The following NUMA1 variants were observed in gnomAD, a reference collection of about 807,000 sequenced individuals.
NUMA1 encodes the protein nuclear mitotic apparatus protein 1.
Under a neutral mutation model 237.1 loss-of-function variants are expected in NUMA1, and 62 were observed. The observed-to-expected ratio is 0.26, with a 90% CI of 0.21 to 0.32. NUMA1 has a LOEUF of 0.32. NUMA1 is among the 10% of genes least tolerant of loss of function. The pLI is 1.00. For missense variants in NUMA1, 2,533 were observed against 2,666.5 expected (o/e 0.95, Z 1.10); for synonymous variants, 1,028 against 1,066.1 (o/e 0.96, Z 0.70).
rs1462878121 is a variant in NUMA1, at chr11:72,009,328, C to T, written c.4779G>A (p.Leu1593=). The change falls in exon 18 of 27, where the codon CTG becomes CTA. Residue 1593 remains leucine (L), a synonymous_variant. Coordinates refer to ENST00000393695, the MANE Select transcript of NUMA1 (RefSeq NM_006185.4). ...QQEAQRLQAQ[L]NELQAQLSQK... ...GGCTCAACTGGGCTTGCAGTTCATT[C>T]AGCTGGGCCTGGAGGCGCTGGGCCT... is the stretch of plus-strand genomic sequence containing the variant. 6.2e-7 allele frequency: 1 copy of T among 1,613,354 alleles called. No homozygotes were observed. Among genetic ancestry groups the T allele is most frequent in the African/African-American group, 1.3e-5 (1 of 74,926 alleles).
intron 4 of NUMA1, among the ~76,000 whole-genome samples, chr11:72,027,278 C>T (rs754284260): frequency 2.6e-5 from 4 of 152,144 alleles, no homozygotes; most frequent in Non-Finnish European, 4.4e-5. Context: ...TTAGGTATTG[C>T]CAGACTAATG....
intron 3 of NUMA1, among the ~76,000 whole-genome samples, chr11:72,033,678 A>G (rs1436170425): frequency 6.6e-6 from 1 of 152,098 alleles, no homozygotes; most frequent in Non-Finnish European, 1.5e-5. Flanking sequence ...GGCCTCATGC[A>G]TATTTATTGT....
intron 3 of NUMA1, among the ~76,000 whole-genome samples, chr11:72,034,431 A>T (rs1940748742): frequency 6.6e-6 from 1 of 152,048 alleles, no homozygotes. Flanking sequence ...GATACTGGCC[A>T]GGCGTGGTGG....
intron 12 of NUMA1, 132 bp downstream of exon 12, chr11:72,018,051 A>C (rs1461235211): frequency 4.4e-6 from 4 of 914,484 alleles, no homozygotes; most frequent in Non-Finnish European, 7.0e-6. Flanking sequence ...AAAGGGGCAA[A>C]ATATGCAGGT....
intron 3 of NUMA1, among the ~76,000 whole-genome samples, chr11:72,031,150 G>A (rs368221758): frequency 8.6e-5 from 13 of 152,034 alleles, no homozygotes; most frequent in African/African-American, 2.9e-4. Context: ...AAGCAAGCAA[G>A]CAAGCTGGAC....
chr11:72,005,085 T>C (rs1955596086), intron 23 of NUMA1, 148 bp downstream of exon 23: 2 of 972,456 alleles, frequency 2.1e-6, no homozygotes, highest in Admixed American at 3.0e-5. Flanking sequence ...CTCCCAGCTG[T>C]CTGTTCCACC....
intron 7 of NUMA1, 33 bp from the exon 8 acceptor site, chr11:72,021,324 G>C (rs372750775): frequency 9.4e-6 from 15 of 1,594,204 alleles, no homozygotes; most frequent in Non-Finnish European, 1.3e-5. Flanking sequence ...GCATCACTTA[G>C]GTGTTAGGCC....
At chr11:72,029,595 G>C (rs950695367) in intron 3 of NUMA1, among the ~76,000 whole-genome samples, 4 of 152,218 alleles carry the variant, frequency 2.6e-5, no homozygotes, top group African/African-American at 9.6e-5. Flanking sequence ...TACTACCACT[G>C]CTTCTAAAGA....
At position 72,016,188 on chromosome 11, in the gene NUMA1, G is replaced by A. The variant is rs757455849; in HGVS notation, c.1315C>T (p.Leu439=). Reference sequence around the variant, plus strand: ...TCCTGCTGGCCTCGCTCAGTCTCCAGCATCTCTACCCTGGCTTGGAGCTGT... The same window carrying A: ...TCCTGCTGGCCTCGCTCAGTCTCCAACATCTCTACCCTGGCTTGGAGCTGT... The part of the protein sequence containing the change: ...NTQLQARVEM[L]ETERGQQEAK... The change falls in exon 15 of 27, where the codon CTG becomes TTG. Residue 439 remains leucine, a synonymous_variant. Coordinates refer to ENST00000393695, the MANE Select transcript of NUMA1 (RefSeq NM_006185.4). 5.0e-6 allele frequency: 8 copies of A among 1,613,072 alleles called. No homozygotes were observed. Among genetic ancestry groups the A allele is most frequent in the African/African-American group, 4.0e-5 (3 of 74,922 alleles).
chr11:72,019,662 G>A, intron 8 of NUMA1, 45 bp from the exon 9 acceptor site: 5 of 1,599,466 alleles, frequency 3.1e-6, no homozygotes, highest in Non-Finnish European at 4.3e-6. Flanking sequence ...AGGTTAGTAA[G>A]AAGGTGTAAA....
intron 9 of NUMA1, 128 bp from the exon 10 acceptor site, chr11:72,019,108 G>A: frequency 1.1e-6 from 1 of 942,878 alleles, no homozygotes; most frequent in Non-Finnish European, 1.6e-6. Flanking sequence ...GTGCACCTGG[G>A]TTGTTTGCAG....
intron 4 of NUMA1, among the ~76,000 whole-genome samples, chr11:72,028,068 T>C (rs1437976244): frequency 6.6e-6 from 1 of 152,150 alleles, no homozygotes; most frequent in Non-Finnish European, 1.5e-5. Context: ...TAACCCACGA[T>C]CAACACACAC....
At chr11:72,058,378 CATCTA>C (rs1162359082) in intron 2 of NUMA1, among the ~76,000 whole-genome samples, 2 of 151,850 alleles carry the variant, frequency 1.3e-5, no homozygotes, top group African/African-American at 2.4e-5. Flanking sequence ...CAACTTATCT[CATCTA>C]ACAATTTATC....
rs1956121184 is a variant in NUMA1 at position 72,010,995 on chromosome 11, A to G, written c.4651-141T>C. ...ACTCAGGCCCTTTCTCTGGCCTCCA[A>G]TTACGGAACAGCCTGCTGCCCAGGC... On this transcript the variant is annotated intron_variant, in intron 16 of 26. Transcript: ENST00000393695. 1.2e-5 allele frequency: 9 copies of G among 755,430 alleles called. 1 individual carries two copies. Among genetic ancestry groups the G allele is most frequent in the South Asian group, 8.1e-5 (5 of 62,090 alleles). The allele number at this position is 755,430 out of a possible 1,614,324, so 46.8% of individuals were successfully genotyped here. A position where few individuals can be genotyped will look rare whatever the true frequency, so the allele number is the denominator to read the frequency against.
chr11:72,074,084 C>T (rs1943591210), intron 1 of NUMA1, among the ~76,000 whole-genome samples: 1 of 152,078 alleles, frequency 6.6e-6, no homozygotes, highest in East Asian at 1.9e-4. Flanking sequence ...ATCCCAGCTA[C>T]TCAGGAGGAT....
At position 72,007,646 on chromosome 11, in the gene NUMA1, G is replaced by A. The variant is rs187601305; in HGVS notation, c.5217-211C>T. On this transcript the variant is annotated intron_variant, in intron 20 of 26. Transcript: ENST00000393695. ...TGGCTTCTCCTAATAGCTCCTCATA[G>A]TGGCAATGCCCAGACCCAGATGTCC... 232 of 628,730 alleles carry A rather than the reference G, an allele frequency of 3.7e-4. 3 individuals carry two copies. The highest frequency in any genetic ancestry group is 1.4e-3 in the South Asian group (76 of 54,902). The allele number at this position is 628,730 out of a possible 1,614,324, so 38.9% of individuals were successfully genotyped here.
At position 72,056,449 on chromosome 11, in the gene NUMA1, G is replaced by A. The variant is rs551344214; in HGVS notation, c.-33+13393C>T. On this transcript the variant is annotated intron_variant, in intron 2 of 26. Coordinates refer to ENST00000393695, the MANE Select transcript of NUMA1 (RefSeq NM_006185.4). ...CGATTCTCCTGCCTCAACCTGCCAA[G>A]TAGCTGGGATTCCAGGTGTCTACCA... Among the ~76,000 whole-genome samples the A allele has an allele frequency of 8.6e-4, 130 of 151,026 alleles. 1 individual carries two copies. The highest frequency in any genetic ancestry group is 3.1e-3 in the African/African-American group (127 of 41,110).
chr11:72,050,175 A>C (rs1023328149), intron 2 of NUMA1, among the ~76,000 whole-genome samples: 4 of 152,214 alleles, frequency 2.6e-5, no homozygotes, highest in African/African-American at 7.2e-5. Context: ...TTCATAAATA[A>C]AAGCCACAAA....
rs765564557 is a variant in NUMA1 at position 72,014,666 on chromosome 11, T to C, written c.2837A>G (p.Asp946Gly). 1.4e-5 allele frequency: 23 copies of C among 1,612,992 alleles called. No individual in the cohort carries two copies. The highest frequency in any genetic ancestry group is 1.9e-5 in the Non-Finnish European group (23 of 1,180,040). The change falls in exon 15 of 27, where the codon GAC becomes GGC. Residue 946 changes from aspartate to glycine, a missense_variant. Coordinates refer to ENST00000393695, the MANE Select transcript of NUMA1 (RefSeq NM_006185.4). This position sits in a 1 kb window ranked among gnomAD's most constrained non-coding sequence, Gnocchi z 4.6. ...ELVKEPARAG[D>G]RQPEWLEEQQ... ...CTCTTCCAGCCACTCGGGCTGTCTG[T>C]CTCCTGCCCTCGCAGGCTCCTTGAC...
Sources: gnomAD v4.1 joint callset for allele counts (sites outside exome capture counted in the v4.1 genomes callset) on GRCh38, gnomAD v4.1.1 for gene constraint, Gnocchi (gnomAD v3.1) non-coding constraint, MANE v1.5 for transcripts, NCBI Gene and HGNC (gene_info 2026-07-23, HGNC 2026-07-21) for gene names.